The following AKAP10 variants were observed in gnomAD, a reference collection of about 807,000 sequenced individuals.
AKAP10 encodes A-kinase anchor protein 10, mitochondrial.
Under a neutral mutation model 80.8 loss-of-function variants are expected in AKAP10, and 24 were observed. The observed-to-expected ratio is 0.30, with a 90% CI of 0.22 to 0.42. The LOEUF is 0.42. AKAP10 is among the 10% of genes least tolerant of loss of function. The pLI, the probability that AKAP10 is intolerant of heterozygous loss-of-function variation, is 1.00. For missense variants in AKAP10, 661 were observed against 794.9 expected, an observed-to-expected ratio of 0.83 and a Z score of 2.03; for synonymous variants, 291 against 277.7, an observed-to-expected ratio of 1.05 and a Z score of -0.48.
At chr17:19,933,608 T>C (rs1206602818) in intron 9 of AKAP10, among the ~76,000 whole-genome samples, 1 of 152,194 alleles carries the variant, frequency 6.6e-6, no homozygotes, top group Non-Finnish European at 1.5e-5. Flanking sequence ...TCTGAACTTT[T>C]CCTTTAAAAT....
chr17:19,961,996 G>C (rs1324584235), intron 3 of AKAP10, among the ~76,000 whole-genome samples: 1 of 152,038 alleles, frequency 6.6e-6, no homozygotes, highest in East Asian at 1.9e-4. Context: ...CATGCCTGCA[G>C]TCCTAGTAAC....
chr17:19,909,103 A>C, intron 14 of AKAP10, 78 bp downstream of exon 14: 1 of 1,273,624 alleles, frequency 7.9e-7, no homozygotes, highest in African/African-American at 1.5e-5. Flanking sequence ...AAAGGCAAAG[A>C]AACCCCTTAT....
At chr17:19,977,457 CAG>C in intron 1 of AKAP10, 133 bp downstream of exon 1, 1 of 600,554 alleles carries the variant, frequency 1.7e-6, no homozygotes, top group South Asian at 8.9e-5. Flanking sequence ...GCAAGGCACT[CAG>C]GGGGCATCTG....
At chr17:19,958,934 C>A (rs2043316405) in intron 3 of AKAP10, among the ~76,000 whole-genome samples, 1 of 146,244 alleles carries the variant, frequency 6.8e-6, no homozygotes, top group African/African-American at 2.5e-5. Context: ...ATGCAACCAA[C>A]CTCCACCTCC....
At chr17:19,907,640 G>T in intron 14 of AKAP10, among the ~76,000 whole-genome samples, 1 of 151,986 alleles carries the variant, frequency 6.6e-6, no homozygotes, top group South Asian at 2.1e-4. Flanking sequence ...AGCTGGTCTT[G>T]AACTCCTACC....
intron 10 of AKAP10, among the ~76,000 whole-genome samples, 192 bp from the exon 11 acceptor site, chr17:19,924,709 C>T (rs1005847797): frequency 3.3e-5 from 5 of 152,082 alleles, no homozygotes; most frequent in African/African-American, 1.2e-4. Flanking sequence ...GAGGAAAGCA[C>T]AATATTAAAA....
At chr17:19,946,220 T>TA (rs61226955) in intron 5 of AKAP10, among the ~76,000 whole-genome samples, 3,224 of 36,292 alleles carry the variant, frequency 0.089, 365 homozygotes, top group East Asian at 0.16. Flanking sequence ...TATATATATA[T>TA]TTTATATATA....
chr17:19,936,473 A>G (rs1349222964), intron 8 of AKAP10, 43 bp from the exon 9 acceptor site: 3 of 1,559,984 alleles, frequency 1.9e-6, no homozygotes, highest in South Asian at 1.2e-5. Flanking sequence ...ATTCCATAGC[A>G]AGTATAAGCA....
In AKAP10 at chr17:19,923,971, G is replaced by T. The variant is rs115608338; in HGVS notation, c.1751+437C>A. On this transcript the variant is annotated intron_variant, in intron 11 of 14. Coordinates refer to ENST00000225737, the MANE Select transcript of AKAP10 (RefSeq NM_007202.4). ...TTAATCAAGCTATCTTTAGGGAAGAGAAAGTGATTTTATGATTGGATCTGT... is the reference window on the plus strand; with the variant it reads ...TTAATCAAGCTATCTTTAGGGAAGATAAAGTGATTTTATGATTGGATCTGT... 4.4e-3 allele frequency among the ~76,000 whole-genome samples: 665 copies of T among 152,302 alleles called. 4 individuals are homozygous for T. The highest frequency in any genetic ancestry group is 0.016 in the African/African-American group (646 of 41,556).
chr17:19,977,237 A>G (rs181802274), intron 1 of AKAP10, among the ~76,000 whole-genome samples: 2 of 152,358 alleles, frequency 1.3e-5, no homozygotes, highest in Admixed American at 6.5e-5. Flanking sequence ...TCAGACTTCC[A>G]TAATAAGGTT....
At chr17:19,931,676 C>T (rs1254312692) in intron 10 of AKAP10, 129 bp downstream of exon 10, 1 of 1,090,532 alleles carries the variant, frequency 9.2e-7, no homozygotes, top group Non-Finnish European at 1.3e-6. Flanking sequence ...CAGGCACAGG[C>T]CACTGTGCCT....
At chr17:19,921,509 T>C (rs2042816016) in intron 11 of AKAP10, among the ~76,000 whole-genome samples, 2 of 151,924 alleles carry the variant, frequency 1.3e-5, no homozygotes, top group African/African-American at 4.8e-5. Flanking sequence ...ATGATGCAGA[T>C]ACTTTACAAA....
intron 12 of AKAP10, among the ~76,000 whole-genome samples, chr17:19,918,399 G>T (rs1368880494): frequency 6.6e-6 from 1 of 151,832 alleles, no homozygotes; most frequent in Admixed American, 6.6e-5. Context: ...GCAAAAATTA[G>T]CCATGGCGCC....
At chr17:19,946,273 A>ATTTTTT (rs2043127678) in intron 5 of AKAP10, among the ~76,000 whole-genome samples, 2 of 19,810 alleles carry the variant, frequency 1.0e-4, no homozygotes, top group Non-Finnish European at 1.7e-4. Context: ...ATATATATAT[A>ATTTTTT]TATTTTTTTT....
At chr17:19,946,267 A>ATTTTT (rs1311595897) in intron 5 of AKAP10, among the ~76,000 whole-genome samples, 1 of 27,070 alleles carries the variant, frequency 3.7e-5, no homozygotes, top group African/African-American at 1.7e-4. Context: ...ATATATATAT[A>ATTTTT]TATATATATT....
At chr17:19,910,325 C>CAAAAAAAAAAAA (rs3031068) in intron 12 of AKAP10, among the ~76,000 whole-genome samples, 99 of 90,566 alleles carry the variant, frequency 1.1e-3, no homozygotes, top group African/African-American at 3.1e-3. Context: ...GACTCCAACT[C>CAAAAAAAAAAAA]AAAAAAAAAA....
In AKAP10 at chr17:19,924,430, A is replaced by G; in HGVS notation, c.1729T>C (p.Leu577=). 6.2e-7 allele frequency: 1 copy of G among 1,604,512 alleles called. No homozygotes were observed. Among genetic ancestry groups the G allele is most frequent in the South Asian group, 1.1e-5 (1 of 89,268 alleles). The part of the protein sequence containing the change: ...VDAASLDPES[L]YQRTYAGKMT... ...TACCCGGCATATGTCCGTTGATATA[A>G]AGATTCTGGATCCAGACTTGCCGCA... The change falls in exon 11 of 15, where the codon TTA becomes CTA. Residue 577 remains leucine, a synonymous_variant. Coordinates refer to ENST00000225737, the MANE Select transcript of AKAP10 (RefSeq NM_007202.4).
intron 5 of AKAP10, among the ~76,000 whole-genome samples, chr17:19,945,076 A>G (rs527831468): frequency 1.2e-3 from 190 of 152,322 alleles, no homozygotes; most frequent in Non-Finnish European, 1.7e-3. Flanking sequence ...AAAGCCACAC[A>G]GGTAATTAAC....
intron 10 of AKAP10, among the ~76,000 whole-genome samples, chr17:19,925,945 C>T (rs900375816): frequency 1.3e-5 from 2 of 152,210 alleles, no homozygotes; most frequent in East Asian, 3.9e-4. Flanking sequence ...GACATACAGA[C>T]GGATGTATGT....
Sources: gnomAD v4.1 joint callset for allele counts (sites outside exome capture counted in the v4.1 genomes callset) on GRCh38, gnomAD v4.1.1 for gene constraint, MANE v1.5 for transcripts, NCBI Gene and HGNC (gene_info 2026-07-23, HGNC 2026-07-21) for gene names.